Variants in DACH1 observed in about 807,000 individuals in gnomAD.
DACH1 encodes the protein dachshund homolog 1.
Under a neutral mutation model 54.2 loss-of-function variants are expected in DACH1, and 12 were observed. That is an observed-to-expected ratio of 0.22 (90% CI 0.14 to 0.36). The LOEUF (loss-of-function observed/expected upper bound fraction) is 0.36. Ranked by LOEUF, DACH1 falls within the 10% of genes least tolerant of loss-of-function variation. The probability of loss-of-function intolerance (pLI) is 1.00; values close to 1 mark genes in which losing one functional copy is unlikely to be tolerated. For missense variants in DACH1, 805 were observed against 929.8 expected (o/e 0.87, Z 1.75); for synonymous variants, 386 against 366.2 (o/e 1.05, Z -0.62).
chr13:71,860,097 T>C (rs1874252595), intron 1 of DACH1, among the ~76,000 whole-genome samples: 1 of 151,740 alleles, frequency 6.6e-6, no homozygotes, highest in South Asian at 2.1e-4. Context: ...GAGAAGGGTC[T>C]CCTTAATGCA....
At chr13:71,807,654 T>C (rs533412112) in intron 1 of DACH1, among the ~76,000 whole-genome samples, 2 of 152,330 alleles carry the variant, frequency 1.3e-5, no homozygotes, top group African/African-American at 2.4e-5. Context: ...AATCTAATAA[T>C]GTATCTTTGG....
At chr13:71,471,839 A>G (rs1877108330) in intron 10 of DACH1, among the ~76,000 whole-genome samples, 1 of 152,200 alleles carries the variant, frequency 6.6e-6, no homozygotes, top group Non-Finnish European at 1.5e-5. Context: ...TAAGATGACG[A>G]CTTAGCTGAA....
intron 10 of DACH1, among the ~76,000 whole-genome samples, chr13:71,450,832 C>A (rs1026545331): frequency 6.6e-6 from 1 of 152,146 alleles, no homozygotes; most frequent in African/African-American, 2.4e-5. Flanking sequence ...CCTTAAGCCA[C>A]AACCTCATCC....
At chr13:71,656,298 C>A (rs1450890793) in intron 2 of DACH1, among the ~76,000 whole-genome samples, 1 of 152,120 alleles carries the variant, frequency 6.6e-6, no homozygotes, top group Non-Finnish European at 1.5e-5. Context: ...CTATTCAGTC[C>A]AAACTGTCAG....
At chr13:71,442,648 T>A (rs1163485707) in intron 10 of DACH1, among the ~76,000 whole-genome samples, 4 of 152,124 alleles carry the variant, frequency 2.6e-5, no homozygotes, top group Non-Finnish European at 4.4e-5. Flanking sequence ...TGCCAGTGGA[T>A]GCCTGAAATC....
At chr13:71,522,857 C>A (rs375197824) in intron 6 of DACH1, among the ~76,000 whole-genome samples, 5 of 152,116 alleles carry the variant, frequency 3.3e-5, no homozygotes, top group East Asian at 1.9e-4. Flanking sequence ...ATGTGAAATT[C>A]TTTTCTCTCT....
At chr13:71,469,848 A>G (rs539867841) in intron 10 of DACH1, among the ~76,000 whole-genome samples, 1 of 152,304 alleles carries the variant, frequency 6.6e-6, no homozygotes, top group South Asian at 2.1e-4. Context: ...ATGTCTTTTT[A>G]TTGGAAGAAT....
At chr13:71,688,947 A>G (rs1026211650) in intron 1 of DACH1, among the ~76,000 whole-genome samples, 2 of 152,208 alleles carry the variant, frequency 1.3e-5, no homozygotes, top group African/African-American at 4.8e-5. Flanking sequence ...TACTGGGGCA[A>G]GTTATCAGAG....
chr13:71,544,255 A>G (rs1199373505), intron 6 of DACH1, among the ~76,000 whole-genome samples: 2 of 152,112 alleles, frequency 1.3e-5, no homozygotes, highest in East Asian at 1.9e-4. Context: ...AATGTAAAAG[A>G]AAAACAAAGC....
At chr13:71,698,498 AT>A (rs1468029205) in intron 1 of DACH1, among the ~76,000 whole-genome samples, 4 of 152,144 alleles carry the variant, frequency 2.6e-5, no homozygotes, top group African/African-American at 9.7e-5. Context: ...TTTTATATTG[AT>A]AAATCTAAAA....
At position 71,692,785 on chromosome 13, in the gene DACH1, T is replaced by C. The variant is rs545555467; in HGVS notation, c.849-10875A>G. 3.3e-5 allele frequency among the ~76,000 whole-genome samples: 5 copies of C among 152,184 alleles called. No individual in the cohort carries two copies. In the South Asian group the frequency reaches 1.0e-3, roughly 32 times the overall value. On this transcript the variant is annotated intron_variant, in intron 1 of 10. Transcript: ENST00000613252. Reference sequence around the variant, plus strand: ...ATCCGCCCATCTCAGCCTCCCAAAGTGCTGGGATTACAGGCGTGAGCCACC... The same window carrying C: ...ATCCGCCCATCTCAGCCTCCCAAAGCGCTGGGATTACAGGCGTGAGCCACC...
chr13:71,667,069 A>G (rs1879889051), intron 2 of DACH1, among the ~76,000 whole-genome samples: 3 of 152,184 alleles, frequency 2.0e-5, no homozygotes, highest in African/African-American at 7.2e-5. Context: ...GAATAGGAAT[A>G]TGTACACATG....
intron 8 of DACH1, among the ~76,000 whole-genome samples, chr13:71,477,634 C>G (rs570873188): frequency 2.0e-5 from 3 of 152,070 alleles, no homozygotes; most frequent in Non-Finnish European, 4.4e-5. Context: ...TACTGTTTCC[C>G]TTTCCAAAAA....
At position 71,520,780 on chromosome 13, in the gene DACH1, T is replaced by C. The variant is rs969414206; in HGVS notation, c.1571-31632A>G. ...ATATGAAAGTACAAAGATCCTTGCA[T>C]TGGAGAAAGAAGAAAGGGAAATTTA... On this transcript the variant is annotated intron_variant, in intron 6 of 10. Transcript: ENST00000613252. 4.4e-4 allele frequency among the ~76,000 whole-genome samples: 67 copies of C among 151,680 alleles called. 4 individuals are homozygous for C.
intron 4 of DACH1, among the ~76,000 whole-genome samples, chr13:71,561,605 G>C (rs1884589215): frequency 6.6e-6 from 1 of 152,048 alleles, no homozygotes; most frequent in Non-Finnish European, 1.5e-5. Flanking sequence ...TGAACTTCTA[G>C]ACTCCAATAA....
rs1382636555 is a variant in DACH1, at chr13:71,481,260, T to C, written c.1723-1944A>G. Among the ~76,000 whole-genome samples, 5 of 152,364 alleles carry C rather than the reference T, an allele frequency of 3.3e-5. No homozygotes were observed. The East Asian group carries it at 9.6e-4, about 29-fold the overall frequency. On this transcript the variant is annotated intron_variant, in intron 7 of 10. Coordinates refer to ENST00000613252, the MANE Select transcript of DACH1 (RefSeq NM_080759.6). ...GCCAATGTTGGCACCACTTAATGTG[T>C]TGATTGGTTGTATTATCAGTAGCTG...
intron 2 of DACH1, among the ~76,000 whole-genome samples, chr13:71,645,456 C>A (rs546086596): frequency 1.3e-5 from 2 of 152,194 alleles, no homozygotes; most frequent in South Asian, 4.2e-4. Flanking sequence ...GAGAAAAAGC[C>A]TGAGGTACAT....
At chr13:71,580,859 C>G (rs1213499114) in intron 3 of DACH1, among the ~76,000 whole-genome samples, 1 of 152,056 alleles carries the variant, frequency 6.6e-6, no homozygotes, top group Non-Finnish European at 1.5e-5. Flanking sequence ...TATTATTCAT[C>G]TCTATTTTGT....
intron 1 of DACH1, among the ~76,000 whole-genome samples, chr13:71,762,538 G>A (rs1042277459): frequency 1.3e-5 from 2 of 152,026 alleles, no homozygotes; most frequent in Non-Finnish European, 2.9e-5. Context: ...AGGCCAAGGC[G>A]AGCAGAACAC....
Sources: allele counts gnomAD v4.1 joint callset (sites outside exome capture counted in the v4.1 genomes callset), GRCh38; gene constraint gnomAD v4.1.1; transcripts MANE v1.5; gene names NCBI Gene and HGNC (gene_info 2026-07-23, HGNC 2026-07-21).